Variants in AGBL1 observed in about 807,000 individuals in gnomAD.
The protein encoded by AGBL1 is cytosolic carboxypeptidase 4.
A neutral mutation model predicts 118.9 loss-of-function variants in AGBL1; 130 were observed. The ratio of observed to expected loss-of-function variants is 1.09; its 90% CI spans 0.95 to 1.26. AGBL1 has a LOEUF of 1.26. Ranked by LOEUF, AGBL1 falls within the 50% of genes most tolerant of loss-of-function variation. AGBL1 has a pLI of 0.00. For synonymous variants in AGBL1, 555 were observed against 478.9 expected, an observed-to-expected ratio of 1.16 and a Z score of -2.08; for missense variants, 1,584 against 1,298.1, an observed-to-expected ratio of 1.22 and a Z score of -3.38.
chr15:86,969,005 G>C (rs993429567), intron 23 of AGBL1, among the ~76,000 whole-genome samples: 3 of 151,948 alleles, frequency 2.0e-5, no homozygotes, highest in Non-Finnish European at 4.4e-5. Context: ...TTTAGGGTTA[G>C]ATTTCAACAA....
intron 1 of AGBL1, among the ~76,000 whole-genome samples, chr15:86,113,252 C>CTTTTCTTTTCTTTTCTTTTT (rs1897531392): frequency 1.9e-5 from 1 of 51,286 alleles, no homozygotes; most frequent in Non-Finnish European, 3.4e-5. Context: ...CTTTTCTTTT[C>CTTTTCTTTTCTTTTCTTTTT]TTTTCTTTCT....
intron 24 of AGBL1, among the ~76,000 whole-genome samples, chr15:87,012,066 T>C (rs1202956758): frequency 2.6e-5 from 4 of 152,166 alleles, no homozygotes; most frequent in African/African-American, 9.7e-5. Flanking sequence ...GTCCAATTTT[T>C]AATAGAGATA....
chr15:86,172,229 AT>A (rs1323585113), intron 5 of AGBL1, among the ~76,000 whole-genome samples: 2 of 152,154 alleles, frequency 1.3e-5, no homozygotes, highest in Admixed American at 1.3e-4. Context: ...CACACTTAAA[AT>A]TTTTTATTGG....
At chr15:86,453,090 C>G (rs1057437493) in intron 18 of AGBL1, among the ~76,000 whole-genome samples, 1 of 152,182 alleles carries the variant, frequency 6.6e-6, no homozygotes, top group East Asian at 1.9e-4. Context: ...GCCCTTTTCT[C>G]TATGGTAGTT....
chr15:86,111,072 A>C (rs1212458760), intron 1 of AGBL1, among the ~76,000 whole-genome samples: 1 of 152,220 alleles, frequency 6.6e-6, no homozygotes, highest in East Asian at 1.9e-4. Flanking sequence ...TCTCTTTTGA[A>C]AGCCATCAGG....
intron 3 of AGBL1, among the ~76,000 whole-genome samples, chr15:86,147,004 G>T (rs900474777): frequency 5.9e-5 from 9 of 152,142 alleles, no homozygotes; most frequent in African/African-American, 2.2e-4. Flanking sequence ...GTATCATAGT[G>T]GGGGCAAAGA....
At chr15:86,722,529 T>C (rs1192254282) in intron 22 of AGBL1, among the ~76,000 whole-genome samples, 2 of 152,134 alleles carry the variant, frequency 1.3e-5, no homozygotes, top group Non-Finnish European at 2.9e-5. Context: ...AAGACTTAAA[T>C]GTTAGACCTA....
intron 21 of AGBL1, among the ~76,000 whole-genome samples, chr15:86,580,689 T>C (rs1015016340): frequency 2.0e-5 from 3 of 152,090 alleles, no homozygotes; most frequent in African/African-American, 7.2e-5. Context: ...ACCCCAAACA[T>C]TTATCATTTT....
chr15:86,984,728 T>A (rs1596707682), intron 23 of AGBL1, among the ~76,000 whole-genome samples: 1 of 152,178 alleles, frequency 6.6e-6, no homozygotes, highest in African/African-American at 2.4e-5. Context: ...CTCTCTCATA[T>A]ACATATAGGT....
At chr15:86,734,062 C>A (rs375181082) in intron 22 of AGBL1, among the ~76,000 whole-genome samples, 1 of 152,082 alleles carries the variant, frequency 6.6e-6, no homozygotes, top group Non-Finnish European at 1.5e-5. Flanking sequence ...TTATTGAAAC[C>A]GTTCTTTGTA....
intron 22 of AGBL1, among the ~76,000 whole-genome samples, chr15:86,807,408 G>T: frequency 6.6e-6 from 1 of 152,130 alleles, no homozygotes; most frequent in East Asian, 1.9e-4. Flanking sequence ...CATAGTAGGA[G>T]CACCAAAAAT....
intron 21 of AGBL1, among the ~76,000 whole-genome samples, chr15:86,617,675 A>T (rs1164265203): frequency 6.6e-6 from 1 of 151,998 alleles, no homozygotes; most frequent in East Asian, 1.9e-4. Flanking sequence ...TAAGTATATA[A>T]TATACTAGGT....
intron 21 of AGBL1, among the ~76,000 whole-genome samples, chr15:86,665,494 C>A (rs2085628855): frequency 6.6e-6 from 1 of 152,048 alleles, no homozygotes; most frequent in African/African-American, 2.4e-5. Context: ...TATTAATTTG[C>A]ATTTTATATC....
At chr15:86,485,224 GC>G (rs2082698501) in intron 18 of AGBL1, among the ~76,000 whole-genome samples, 2 of 152,132 alleles carry the variant, frequency 1.3e-5, no homozygotes, top group South Asian at 4.1e-4. Context: ...CAGGCCTCGT[GC>G]CAAACCTGTG....
At chr15:86,375,592 A>T (rs1366050329) in intron 17 of AGBL1, among the ~76,000 whole-genome samples, 1 of 152,116 alleles carries the variant, frequency 6.6e-6, no homozygotes, top group African/African-American at 2.4e-5. Context: ...TTCTCATGTC[A>T]TGTTGGCCTT....
intron 22 of AGBL1, among the ~76,000 whole-genome samples, chr15:86,829,339 AT>A (rs2079073845): frequency 6.6e-6 from 1 of 152,202 alleles, no homozygotes; most frequent in South Asian, 2.1e-4. Context: ...GTGGGCTCTG[AT>A]AAAGAGAAGC....
In AGBL1 at chr15:86,164,844, C is replaced by T. The variant is rs574452641; in HGVS notation, c.488+5818C>T. Among the ~76,000 whole-genome samples, 12 of 152,300 alleles carry T rather than the reference C, an allele frequency of 7.9e-5. No homozygotes were observed. In the South Asian group the frequency reaches 2.3e-3, roughly 29 times the overall value. ...CCAGAAAGAGGACTCGGGCTGCTCA[C>T]AGGCTGGGATAGCTCCCTCACCGCT... On this transcript the variant is annotated intron_variant, in intron 5 of 22. Coordinates refer to ENST00000614907, the MANE Select transcript of AGBL1 (RefSeq NM_001386094.1).
intron 17 of AGBL1, among the ~76,000 whole-genome samples, chr15:86,300,750 T>C (rs1247322288): frequency 6.6e-6 from 1 of 152,224 alleles, no homozygotes; most frequent in Non-Finnish European, 1.5e-5. Context: ...GAGGCTGCAT[T>C]TGCAGTTGTT....
Position 86,266,092 on chromosome 15 carries a change from C to A in AGBL1, c.1668-282C>A, listed in dbSNP as rs2079066160. 2.6e-5 allele frequency among the ~76,000 whole-genome samples: 4 copies of A among 152,340 alleles called. No homozygotes were observed. The South Asian group carries it at 8.3e-4, about 32-fold the overall frequency. ...GTTCCAAAGTCCCCCAACGCAAGTGCTTTTGATAAAATTCTTCAAGCCAAG... is the reference window on the plus strand; with the variant it reads ...GTTCCAAAGTCCCCCAACGCAAGTGATTTTGATAAAATTCTTCAAGCCAAG... On this transcript the variant is annotated intron_variant, in intron 11 of 22. Coordinates refer to ENST00000614907, the MANE Select transcript of AGBL1 (RefSeq NM_001386094.1).
Sources: allele counts gnomAD v4.1 joint callset (sites outside exome capture counted in the v4.1 genomes callset), GRCh38; gene constraint gnomAD v4.1.1; transcripts MANE v1.5; gene names NCBI Gene and HGNC (gene_info 2026-07-23, HGNC 2026-07-21).